XKR4: variants seen among roughly 807,000 people sequenced by gnomAD.
The protein encoded by XKR4 is XK-related protein 4.
Under a neutral mutation model 53.9 loss-of-function variants are expected in XKR4, and 12 were observed. That is an observed-to-expected ratio of 0.22 (90% CI 0.14 to 0.36). The LOEUF (loss-of-function observed/expected upper bound fraction) is 0.36, where lower values mean the gene tolerates loss of function less well. Among genes scored for constraint, XKR4 ranks in the 10% least tolerant of loss-of-function variants. XKR4 has a pLI of 1.00. For missense variants in XKR4, 799 were observed against 859.5 expected, an observed-to-expected ratio of 0.93 and a Z score of 0.88; for synonymous variants, 354 against 362.4, an observed-to-expected ratio of 0.98 and a Z score of 0.26.
chr8:55,468,343 A>C (rs1045049037), intron 2 of XKR4, among the ~76,000 whole-genome samples: 2 of 152,152 alleles, frequency 1.3e-5, no homozygotes, highest in African/African-American at 4.8e-5. Context: ...GTCAGTTTAC[A>C]GCTCTGAGTA....
intron 2 of XKR4, among the ~76,000 whole-genome samples, chr8:55,403,407 T>C (rs1022639175): frequency 6.6e-6 from 1 of 152,206 alleles, no homozygotes; most frequent in African/African-American, 2.4e-5. Flanking sequence ...GTAAGATAAG[T>C]GAATTGGAAG....
At chr8:55,504,703 A>G (rs1563368552) in intron 2 of XKR4, among the ~76,000 whole-genome samples, 1 of 151,980 alleles carries the variant, frequency 6.6e-6, no homozygotes, top group Admixed American at 6.6e-5. Flanking sequence ...TCTTTGTTAG[A>G]TGGTTTTGCC....
chr8:55,273,176 G>GTA (rs1818717519), intron 1 of XKR4, among the ~76,000 whole-genome samples: 1 of 146,988 alleles, frequency 6.8e-6, no homozygotes, highest in Non-Finnish European at 1.5e-5. Context: ...GTGTGTGTGT[G>GTA]TGTGTGTATG....
chr8:55,505,354 C>A (rs570595559), intron 2 of XKR4, among the ~76,000 whole-genome samples: 89 of 152,076 alleles, frequency 5.9e-4, no homozygotes, highest in South Asian at 1.5e-3. Context: ...TAAGCCTGGG[C>A]AACATAGCAA....
intron 2 of XKR4, among the ~76,000 whole-genome samples, chr8:55,443,687 A>G (rs937698957): frequency 6.6e-6 from 1 of 151,636 alleles, no homozygotes; most frequent in Non-Finnish European, 1.5e-5. Flanking sequence ...ACTAAAATAC[A>G]AAAAAGAGCC....
At chr8:55,263,081 C>G (rs1012963124) in intron 1 of XKR4, among the ~76,000 whole-genome samples, 8 of 152,218 alleles carry the variant, frequency 5.3e-5, no homozygotes, top group African/African-American at 1.7e-4. Flanking sequence ...CAGTTCAGTT[C>G]AGCCCCCTCT....
At chr8:55,277,483 T>C (rs996023006) in intron 1 of XKR4, among the ~76,000 whole-genome samples, 4 of 152,212 alleles carry the variant, frequency 2.6e-5, no homozygotes, top group Non-Finnish European at 5.9e-5. Flanking sequence ...GGGATGGGAC[T>C]CAAGTCTAAG....
chr8:55,502,608 GT>G (rs35742330), intron 2 of XKR4, among the ~76,000 whole-genome samples: 56,044 of 150,988 alleles, frequency 0.37, 12,081 homozygotes, highest in African/African-American at 0.6. Context: ...TTGAGTTATA[GT>G]TTTTTTTTAA....
chr8:55,150,713 T>C lies in XKR4; in HGVS notation c.806+47419T>C, dbSNP rs1264900012. ...CATAACCCCTTCTAAGCATCTCTTA[T>C]ATAACATTTATGACATGTCACAGCC... On this transcript the variant is annotated intron_variant, in intron 1 of 2. Coordinates refer to ENST00000327381, the MANE Select transcript of XKR4 (RefSeq NM_052898.2). 4.6e-5 allele frequency among the ~76,000 whole-genome samples: 7 copies of C among 152,202 alleles called. No homozygotes were observed. In the East Asian group the frequency reaches 9.6e-4, roughly 21 times the overall value.
intron 2 of XKR4, among the ~76,000 whole-genome samples, chr8:55,439,595 GTAGAT>G: frequency 6.6e-6 from 1 of 152,350 alleles, no homozygotes; most frequent in African/African-American, 2.4e-5. Flanking sequence ...ATTTGTATGT[GTAGAT>G]TAAACAGCAG....
intron 2 of XKR4, among the ~76,000 whole-genome samples, chr8:55,479,362 A>G (rs1806061370): frequency 6.6e-6 from 1 of 152,142 alleles, no homozygotes; most frequent in Admixed American, 6.5e-5. Flanking sequence ...GAGAACAAAG[A>G]CACAACATAC....
At chr8:55,153,641 G>T (rs951482655) in intron 1 of XKR4, among the ~76,000 whole-genome samples, 6 of 152,180 alleles carry the variant, frequency 3.9e-5, no homozygotes, top group Non-Finnish European at 7.4e-5. Flanking sequence ...CAATACAAAA[G>T]TAACATGCTT....
At chr8:55,137,439 T>C (rs1474614711) in intron 1 of XKR4, among the ~76,000 whole-genome samples, 1 of 152,178 alleles carries the variant, frequency 6.6e-6, no homozygotes, top group African/African-American at 2.4e-5. Context: ...GAATAGCAGG[T>C]TTCCTCAAGG....
chr8:55,363,430 G>A (rs1803930691), intron 2 of XKR4, among the ~76,000 whole-genome samples: 1 of 152,134 alleles, frequency 6.6e-6, no homozygotes, highest in African/African-American at 2.4e-5. Flanking sequence ...ATCCTATGAG[G>A]CTCCACAGGA....
chr8:55,172,654 C>A (rs537518739), intron 1 of XKR4, among the ~76,000 whole-genome samples: 1 of 152,138 alleles, frequency 6.6e-6, no homozygotes, highest in Non-Finnish European at 1.5e-5. Flanking sequence ...ATTTAAAAAA[C>A]ACATGTATGA....
At chr8:55,228,800 G>A (rs970014949) in intron 1 of XKR4, among the ~76,000 whole-genome samples, 4 of 151,088 alleles carry the variant, frequency 2.6e-5, no homozygotes, top group African/African-American at 9.8e-5. Context: ...CTTTTGCATG[G>A]TTCATTAAAT....
Position 55,438,572 on chromosome 8 carries a change from A to G in XKR4, c.1006+80695A>G, listed in dbSNP as rs531598466. ...GCCACTGCACTCCAGCCTAGGTGAC[A>G]GAGCAAGACTCCATCTTGAAAAAAA... is the stretch of plus-strand genomic sequence containing the variant. On this transcript the variant is annotated intron_variant, in intron 2 of 2. Coordinates refer to ENST00000327381, the MANE Select transcript of XKR4 (RefSeq NM_052898.2). Among the ~76,000 whole-genome samples, 98 of 144,042 alleles carry G rather than the reference A, an allele frequency of 6.8e-4. 1 individual carries two copies. Among genetic ancestry groups the G allele is most frequent in the African/African-American group, 2.4e-3 (92 of 37,846 alleles). The allele number at this position is 144,042 out of a possible 152,430, so 94.5% of individuals were successfully genotyped here.
At chr8:55,214,264 A>G (rs967417291) in intron 1 of XKR4, among the ~76,000 whole-genome samples, 1 of 152,206 alleles carries the variant, frequency 6.6e-6, no homozygotes, top group East Asian at 1.9e-4. Flanking sequence ...TGGTACCTGT[A>G]TGCATATTGT....
intron 1 of XKR4, among the ~76,000 whole-genome samples, chr8:55,289,361 A>G (rs1454440027): frequency 1.3e-5 from 2 of 151,686 alleles, no homozygotes; most frequent in Non-Finnish European, 2.9e-5. Flanking sequence ...TACAAAATAC[A>G]AAAATTAGCT....
Sources: allele counts gnomAD v4.1 joint callset (sites outside exome capture counted in the v4.1 genomes callset), GRCh38; gene constraint gnomAD v4.1.1; transcripts MANE v1.5; gene names NCBI Gene and HGNC (gene_info 2026-07-23, HGNC 2026-07-21).